The following HHIPL2 variants were observed in gnomAD, a reference collection of about 807,000 sequenced individuals.
HHIPL2 encodes the protein HHIP like 2.
A neutral mutation model predicts 61.0 loss-of-function variants in HHIPL2; 61 were observed. That is an observed-to-expected ratio of 1.00 (90% confidence interval 0.81 to 1.24). The LOEUF is 1.24. Among genes scored for constraint, HHIPL2 ranks in the 50% most tolerant of loss-of-function variants. The probability of loss-of-function intolerance (pLI) is 0.00; values close to 1 mark genes in which losing one functional copy is unlikely to be tolerated. For synonymous variants in HHIPL2, 343 were observed against 357.4 expected (o/e 0.96, Z 0.45); for missense variants, 885 against 910.2 (o/e 0.97, Z 0.36).
intron 1 of HHIPL2, 30 bp from the exon 2 acceptor site, chr1:222,544,219 C>A: frequency 6.3e-7 from 1 of 1,582,762 alleles, no homozygotes; most frequent in Non-Finnish European, 8.6e-7. Flanking sequence ...TCAGGCTCAG[C>A]ATCAGACCTG....
In HHIPL2 at chr1:222,539,068, T is replaced by C. The variant is rs1464905436; in HGVS notation, c.1451-294A>G. The C allele has an allele frequency of 1.4e-5, 5 of 367,384 alleles. No homozygotes were observed. The East Asian group carries it at 1.5e-4, about 11-fold the overall frequency. The allele number at this position is 367,384 out of a possible 1,614,324, so 22.8% of individuals were successfully genotyped here. A position where few individuals can be genotyped will look rare whatever the true frequency, so the allele number is the denominator to read the frequency against. Reference sequence around the variant, plus strand: ...CACATGGCTAAGTTTTCCCCCTAGGTTGATATGGCAGAAACCCAGGTTTAA... The same window carrying C: ...CACATGGCTAAGTTTTCCCCCTAGGCTGATATGGCAGAAACCCAGGTTTAA... On this transcript the variant is annotated intron_variant, in intron 4 of 8. Coordinates refer to ENST00000343410, the MANE Select transcript of HHIPL2 (RefSeq NM_024746.4).
At chr1:222,537,673 A>G (rs2102617396) in intron 5 of HHIPL2, among the ~76,000 whole-genome samples, 1 of 151,960 alleles carries the variant, frequency 6.6e-6, no homozygotes, top group Non-Finnish European at 1.5e-5. Flanking sequence ...CTATTCACAG[A>G]CCTTCTAATA....
In HHIPL2 at chr1:222,540,047, T is replaced by C; in HGVS notation, c.1413A>G (p.Ala471=). ...TGTGACAAAGTTTTTTGTCATAACA[T>C]GCAAACCCTTCCTTTGCTCTCCAGC... ...NYGWRAKEGF[A]CYDKKLCHNA... is the part of the protein sequence containing the mutation. Residue 471 remains alanine, a synonymous_variant, in exon 4 of 9, where the codon GCA becomes GCG. Coordinates refer to ENST00000343410, the MANE Select transcript of HHIPL2 (RefSeq NM_024746.4). The C allele has an allele frequency of 6.2e-7, 1 of 1,614,280 alleles. No homozygotes were observed. Among genetic ancestry groups the C allele is most frequent in the Non-Finnish European group, 8.5e-7 (1 of 1,180,052 alleles).
At chr1:222,536,928 ACTGG>A (rs1321306193) in intron 5 of HHIPL2, among the ~76,000 whole-genome samples, 1 of 152,002 alleles carries the variant, frequency 6.6e-6, no homozygotes, top group Non-Finnish European at 1.5e-5. Flanking sequence ...GCCACAAGCT[ACTGG>A]GGAGGCTGAG....
In HHIPL2 at chr1:222,543,846, A is replaced by G; in HGVS notation, c.665T>C (p.Met222Thr). ...VANGLRNPVS[M>T]VHAGDGTHRF... is the part of the protein sequence containing the mutation. Reference sequence around the variant, plus strand: ...ATGGGTGCCGTCCCCAGCATGGACCATGGAGACGGGGTTCCTCAGCCCGTT... The same window carrying G: ...ATGGGTGCCGTCCCCAGCATGGACCGTGGAGACGGGGTTCCTCAGCCCGTT... Residue 222 changes from methionine (M) to threonine (T), a missense_variant, in exon 2 of 9, where the codon ATG becomes ACG. By Grantham distance (81) the Met-to-Thr change is moderately conservative. Coordinates refer to ENST00000343410, the MANE Select transcript of HHIPL2 (RefSeq NM_024746.4). 2 of 1,614,152 alleles carry G rather than the reference A, an allele frequency of 1.2e-6. No individual in the cohort carries two copies. The highest frequency in any genetic ancestry group is 1.7e-6 in the Non-Finnish European group (2 of 1,180,024).
chr1:222,523,075 T>C (rs1419472478), intron 8 of HHIPL2, among the ~76,000 whole-genome samples, 188 bp from the exon 9 acceptor site: 1 of 152,152 alleles, frequency 6.6e-6, no homozygotes, highest in Non-Finnish European at 1.5e-5. Flanking sequence ...GGTTCTGTAA[T>C]AGTTTCCTTA....
intron 7 of HHIPL2, chr1:222,524,955 C>G (rs1380985449): frequency 1.3e-5 from 2 of 152,148 alleles, no homozygotes; most frequent in African/African-American, 4.8e-5. Flanking sequence ...ACTTACCTAG[C>G]CTTCAGTTTC....
Position 222,538,151 on chromosome 1 carries a change from A to G in HHIPL2, c.1577+497T>C, listed in dbSNP as rs542450906. On this transcript the variant is annotated intron_variant, in intron 5 of 8. Coordinates refer to ENST00000343410, the MANE Select transcript of HHIPL2 (RefSeq NM_024746.4). ...TTATTCCATTTATATATGAAGTTCC[A>G]GAAGCAAAACTAAGCTGTGGTGAGA... 1.8e-3 allele frequency among the ~76,000 whole-genome samples: 274 copies of G among 152,132 alleles called. 1 individual carries two copies. The highest frequency in any genetic ancestry group is 1.9e-3 in the Non-Finnish European group (131 of 68,004).
rs1658973524 is a variant in HHIPL2 at position 222,522,488 on chromosome 1, C to A, written c.*113G>T. 2 of 1,156,966 alleles carry A rather than the reference C, an allele frequency of 1.7e-6. No homozygotes were observed. Among genetic ancestry groups the A allele is most frequent in the Admixed American group, 2.2e-5 (1 of 44,742 alleles). 71.7% of individuals were successfully genotyped at this position (1,156,966 alleles called of 1,614,324 possible). On this transcript the variant is annotated 3_prime_UTR_variant, in exon 9 of 9. Transcript: ENST00000343410. ...CCAGGGAGAGGAAAACCGCCCTGCC[C>A]CACCTCTACCCTGGCTTCCCAGACT...
At position 222,530,023 on chromosome 1, in the gene HHIPL2, A is replaced by G. The variant is rs1225372590; in HGVS notation, c.1723+1943T>C. On this transcript the variant is annotated intron_variant, in intron 6 of 8. Coordinates refer to ENST00000343410, the MANE Select transcript of HHIPL2 (RefSeq NM_024746.4). The stretch of plus-strand genomic sequence containing the variant: ...AAAACACAAGAGCAAGCAACTCTGG[A>G]AAAAAAAATAATTTGCCTCAAGAAC... Among the ~76,000 whole-genome samples the G allele has an allele frequency of 2.6e-5, 4 of 151,854 alleles. No homozygotes were observed. The East Asian group carries it at 5.8e-4, about 22-fold the overall frequency.
intron 5 of HHIPL2, among the ~76,000 whole-genome samples, chr1:222,532,610 T>C (rs554866677): frequency 6.5e-4 from 81 of 123,764 alleles, no homozygotes; most frequent in Non-Finnish European, 1.1e-3. Flanking sequence ...AGCAAGACTT[T>C]GTCTCAAAAA....
intron 2 of HHIPL2, among the ~76,000 whole-genome samples, chr1:222,542,770 G>A (rs945402232): frequency 2.6e-5 from 4 of 151,892 alleles, no homozygotes; most frequent in African/African-American, 4.8e-5. Context: ...TGATCCGCCC[G>A]CCTCAGCTTC....
intron 7 of HHIPL2, among the ~76,000 whole-genome samples, chr1:222,526,154 G>A (rs989160455): frequency 3.9e-5 from 6 of 152,140 alleles, no homozygotes; most frequent in African/African-American, 1.4e-4. Flanking sequence ...TTTTGCCTGT[G>A]CTGGTGGAGG....
At chr1:222,528,582 C>T (rs1659118915) in intron 6 of HHIPL2, among the ~76,000 whole-genome samples, 1 of 151,804 alleles carries the variant, frequency 6.6e-6, no homozygotes, top group South Asian at 2.1e-4. Context: ...ACTCCCAGTG[C>T]AGTAGGCAAC....
chr1:222,542,952 AG>A (rs1211191852), intron 2 of HHIPL2, among the ~76,000 whole-genome samples: 4 of 152,124 alleles, frequency 2.6e-5, no homozygotes, highest in Non-Finnish European at 5.9e-5. Context: ...GTAACTTAAG[AG>A]GGGTTAATCT....
intron 6 of HHIPL2, among the ~76,000 whole-genome samples, chr1:222,531,280 C>T (rs1398886342): frequency 1.3e-5 from 2 of 152,146 alleles, no homozygotes; most frequent in African/African-American, 2.4e-5. Flanking sequence ...CAGACAGCAC[C>T]GGCAGCATAA....
intron 6 of HHIPL2, among the ~76,000 whole-genome samples, chr1:222,531,155 C>T (rs572964924): frequency 2.6e-5 from 4 of 152,248 alleles, no homozygotes; most frequent in African/African-American, 9.6e-5. Context: ...AGATGTCTAC[C>T]TTTTTCTCAG....
At chr1:222,532,615 CAA>C (rs34544375) in intron 5 of HHIPL2, among the ~76,000 whole-genome samples, 2 of 137,678 alleles carry the variant, frequency 1.5e-5, no homozygotes, top group Non-Finnish European at 1.6e-5. Context: ...GACTTTGTCT[CAA>C]AAAAAAAAAA....
intron 5 of HHIPL2, among the ~76,000 whole-genome samples, chr1:222,537,206 G>A (rs957011786): frequency 1.3e-5 from 2 of 151,828 alleles, no homozygotes; most frequent in Admixed American, 1.3e-4. Flanking sequence ...AGAAGCATTT[G>A]ACAAAACCCA....
Sources: gnomAD v4.1 joint callset for allele counts (sites outside exome capture counted in the v4.1 genomes callset) on GRCh38, gnomAD v4.1.1 for gene constraint, MANE v1.5 for transcripts, NCBI Gene and HGNC (gene_info 2026-07-23, HGNC 2026-07-21) for gene names.